The following NR2F1-AS1 variants were observed in gnomAD, a reference collection of about 807,000 sequenced individuals.
NR2F1-AS1 encodes the protein NR2F1 antisense RNA 1.
In NR2F1-AS1 at chr5:93,494,196, G is replaced by A. The variant is rs138867795; in HGVS notation, n.638+59565C>T. 9.2e-4 allele frequency among the ~76,000 whole-genome samples: 140 copies of A among 152,246 alleles called. 1 individual carries two copies. Among genetic ancestry groups the A allele is most frequent in the African/African-American group, 3.1e-3 (128 of 41,560 alleles). ...AAATTTTTAAATGGGCAAAGGAGCTGAATAGGCATTTCTCCAAAAGAGATA... is the reference window on the plus strand; with the variant it reads ...AAATTTTTAAATGGGCAAAGGAGCTAAATAGGCATTTCTCCAAAAGAGATA... On this transcript the variant is annotated intron_variant and non_coding_transcript_variant, in intron 4 of 5. Transcript: ENST00000660523.
At chr5:93,486,759 A>C (rs1448866224) in intron 4 of NR2F1-AS1, among the ~76,000 whole-genome samples, 1 of 152,218 alleles carries the variant, frequency 6.6e-6, no homozygotes, top group Non-Finnish European at 1.5e-5. Context: ...TGCCAGCATC[A>C]TCCTGATACC....
At chr5:93,573,502 C>T (rs1196853999) in intron 1 of NR2F1-AS1, among the ~76,000 whole-genome samples, 1 of 152,072 alleles carries the variant, frequency 6.6e-6, no homozygotes, top group Non-Finnish European at 1.5e-5. Context: ...TCCTGGAAGA[C>T]GGAGGAAAAA....
intron 4 of NR2F1-AS1, among the ~76,000 whole-genome samples, chr5:93,471,836 A>C (rs1363580868): frequency 6.6e-6 from 1 of 151,922 alleles, no homozygotes; most frequent in Non-Finnish European, 1.5e-5. Flanking sequence ...ATCAATAATC[A>C]AATTAGGAGA....
At chr5:93,572,339 G>A (rs910454925) in intron 1 of NR2F1-AS1, among the ~76,000 whole-genome samples, 9 of 152,230 alleles carry the variant, frequency 5.9e-5, no homozygotes, top group African/African-American at 2.2e-4. Flanking sequence ...CTCTAGTCAA[G>A]GAGGGCGGGC....
intron 4 of NR2F1-AS1, among the ~76,000 whole-genome samples, chr5:93,490,977 G>A (rs1256908876): frequency 1.3e-5 from 2 of 149,838 alleles, no homozygotes; most frequent in African/African-American, 4.9e-5. Flanking sequence ...TCCTGGTAAT[G>A]GTGTTGACGG....
chr5:93,582,446 T>TA (rs1407702331), upstream of NR2F1-AS1, among the ~76,000 whole-genome samples: 6 of 152,044 alleles, frequency 3.9e-5, no homozygotes, highest in South Asian at 2.1e-4. Context: ...TACTTTGGAT[T>TA]AAAAAATAGG....
intron 4 of NR2F1-AS1, among the ~76,000 whole-genome samples, chr5:93,473,644 T>C (rs1750419634): frequency 6.6e-6 from 1 of 150,914 alleles, no homozygotes; most frequent in South Asian, 2.1e-4. Context: ...TATGCTTCAA[T>C]ATATATATTG....
chr5:93,454,014 T>C (rs980234636), intron 4 of NR2F1-AS1, among the ~76,000 whole-genome samples: 1 of 152,210 alleles, frequency 6.6e-6, no homozygotes, highest in African/African-American at 2.4e-5. Context: ...CAGTGGCTCA[T>C]GCCTATAATC....
At chr5:93,456,540 G>A (rs972265708) in intron 4 of NR2F1-AS1, among the ~76,000 whole-genome samples, 1 of 152,070 alleles carries the variant, frequency 6.6e-6, no homozygotes, top group Admixed American at 6.6e-5. Context: ...CTATAGATTT[G>A]ATACCATTCC....
chr5:93,581,535 C>G (rs1165399975), upstream of NR2F1-AS1, among the ~76,000 whole-genome samples: 1 of 151,952 alleles, frequency 6.6e-6, no homozygotes, highest in East Asian at 1.9e-4. Context: ...GTGTGCCGCC[C>G]GGGAGCGGCT....
upstream of NR2F1-AS1, chr5:93,585,457 A>C: frequency 6.2e-7 from 1 of 1,613,390 alleles, no homozygotes; most frequent in Non-Finnish European, 8.5e-7. Context: ...CGCCTCAAGA[A>C]GTGCCTCAAA....
intron 4 of NR2F1-AS1, among the ~76,000 whole-genome samples, chr5:93,454,133 T>C (rs539771749): frequency 3.9e-5 from 6 of 152,068 alleles, no homozygotes; most frequent in African/African-American, 1.2e-4. Context: ...TTTAAAAAAT[T>C]AGCTAGGCAT....
intron 4 of NR2F1-AS1, among the ~76,000 whole-genome samples, chr5:93,413,063 G>GGT (rs71613591): frequency 0.099 from 13,708 of 139,142 alleles, 697 homozygotes; most frequent in Non-Finnish European, 0.12. Flanking sequence ...ATAGCACTAT[G>GGT]GTGTGTGTGT....
At chr5:93,534,897 G>T (rs1751808119) in intron 4 of NR2F1-AS1, among the ~76,000 whole-genome samples, 1 of 152,156 alleles carries the variant, frequency 6.6e-6, no homozygotes, top group Non-Finnish European at 1.5e-5. Context: ...TCCAATGTGG[G>T]ATGCTCCTAA....
chr5:93,485,101 G>A (rs1750687253), intron 4 of NR2F1-AS1, among the ~76,000 whole-genome samples: 1 of 152,008 alleles, frequency 6.6e-6, no homozygotes, highest in Admixed American at 6.6e-5. Context: ...ACCCAGCTCT[G>A]GACCAAGCAG....
intron 4 of NR2F1-AS1, among the ~76,000 whole-genome samples, chr5:93,497,055 C>A (rs957843470): frequency 6.6e-6 from 1 of 152,128 alleles, no homozygotes; most frequent in East Asian, 1.9e-4. Flanking sequence ...TAAAATATAA[C>A]CCTTTCTCAA....
intron 4 of NR2F1-AS1, among the ~76,000 whole-genome samples, chr5:93,464,038 C>T (rs1336582828): frequency 1.3e-5 from 2 of 152,028 alleles, no homozygotes; most frequent in African/African-American, 2.4e-5. Flanking sequence ...TGTGAGATTT[C>T]GGAGGGGCCA....
chr5:93,500,384 C>A (rs1192371800), intron 4 of NR2F1-AS1, among the ~76,000 whole-genome samples: 1 of 151,966 alleles, frequency 6.6e-6, no homozygotes, highest in South Asian at 2.1e-4. Context: ...ATAAATGGAA[C>A]AACAAAACTT....
At chr5:93,562,195 A>AAAAAGAAAAGAAAAGAAAAGAAAAG (rs1554072352) in intron 2 of NR2F1-AS1, among the ~76,000 whole-genome samples, 1 of 136,664 alleles carries the variant, frequency 7.3e-6, no homozygotes, top group African/African-American at 3.0e-5. Context: ...AAAAAAAAAA[A>AAAAAGAAAAGAAAAGAAAAGAAAAG]AAAAGAAAAG....
Sources: allele counts gnomAD v4.1 joint callset (sites outside exome capture counted in the v4.1 genomes callset), GRCh38; gene constraint gnomAD v4.1.1; transcripts MANE v1.5; gene names NCBI Gene and HGNC (gene_info 2026-07-23, HGNC 2026-07-21).